Variants in TET3 observed in about 807,000 individuals in gnomAD.
TET3 encodes the protein methylcytosine dioxygenase TET3.
A neutral mutation model predicts 141.4 loss-of-function variants in TET3; 19 were observed. The ratio of observed to expected loss-of-function variants is 0.13; its 90% CI spans 0.09 to 0.20. The LOEUF (loss-of-function observed/expected upper bound fraction) is 0.20. Ranked by LOEUF, TET3 falls within the 10% of genes least tolerant of loss-of-function variation. TET3 has a pLI of 1.00. For synonymous variants in TET3, 1,043 were observed against 980.9 expected (o/e 1.06, Z -1.18); for missense variants, 1,874 against 2,356.9 (o/e 0.80, Z 4.24).
chr2:74,101,847 A>G lies in TET3; in HGVS notation c.5059A>G (p.Thr1687Ala), dbSNP rs763673713. Residue 1687 changes from threonine to alanine, a missense_variant, in exon 12 of 12, where the codon ACC becomes GCC. By Grantham distance (58) the Thr-to-Ala change is moderately conservative. Around this residue, in one of 10 missense-constraint regions of TET3, gnomAD observed 41 missense variants for 116.8 expected, o/e 0.35. Transcript: ENST00000409262. The surrounding 1 kb of genome is among the most constrained non-coding windows in gnomAD (Gnocchi z 8.5). The stretch of plus-strand genomic sequence containing the variant: ...TAAGAAGCCCAACCGCTGCCACCCC[A>G]CCCGCATCTCGCTGGTCTTCTACCA... ...PLKKPNRCHP[T>A]RISLVFYQHK... 1.5e-5 allele frequency: 24 copies of G among 1,612,622 alleles called. No individual in the cohort carries two copies. The highest frequency in any genetic ancestry group is 1.8e-5 in the Non-Finnish European group (21 of 1,179,734).
At chr2:74,132,538 T>A in the TET3 span, among the ~76,000 whole-genome samples, 2 of 152,234 alleles carry the variant, frequency 1.3e-5, no homozygotes, top group Admixed American at 6.5e-5. Flanking sequence ...CAGGTGCATG[T>A]CACCACAACT....
At chr2:74,134,444 A>T in the TET3 span, 7 of 304,552 alleles carry the variant, frequency 2.3e-5, no homozygotes, top group South Asian at 2.1e-4. Context: ...AATATTTGAA[A>T]TTTTTTTCTG....
intron 2 of TET3, among the ~76,000 whole-genome samples, chr2:74,002,494 G>T (rs976438047): frequency 2.6e-5 from 4 of 152,158 alleles, no homozygotes; most frequent in African/African-American, 7.2e-5. Flanking sequence ...GAGGCCGGGG[G>T]TGCCCTGGGA....
At chr2:74,113,006 CAAAAAAAAAAAAA>C (rs60299737), downstream of TET3, among the ~76,000 whole-genome samples, 89 of 34,392 alleles carry the variant, frequency 2.6e-3, no homozygotes, top group South Asian at 4.5e-3. Context: ...GACTCCGTCT[CAAAAAAAAAAAAA>C]AAAAAAAAAA....
At chr2:74,134,547 C>A in the TET3 span, 314 of 374,094 alleles carry the variant, frequency 8.4e-4, no homozygotes, top group African/African-American at 6.1e-3. Flanking sequence ...CCTAACTTCT[C>A]TGGTGGTCGG....
At chr2:74,036,501 A>G (rs1023149081) in intron 3 of TET3, among the ~76,000 whole-genome samples, 6 of 152,064 alleles carry the variant, frequency 3.9e-5, no homozygotes, top group African/African-American at 1.4e-4. Context: ...TAGCTTTTTT[A>G]TGTCTTCTGT....
chr2:74,061,150 C>T (rs1275604998), intron 4 of TET3, among the ~76,000 whole-genome samples: 1 of 149,118 alleles, frequency 6.7e-6, no homozygotes, highest in Non-Finnish European at 1.5e-5. Context: ...GGGGCTGACC[C>T]CCCCCACTTC....
intron 3 of TET3, among the ~76,000 whole-genome samples, chr2:74,028,284 C>CT (rs1313889419): frequency 6.7e-6 from 1 of 148,940 alleles, no homozygotes; most frequent in African/African-American, 2.5e-5. Flanking sequence ...CATGCCTAGC[C>CT]GTTTTTTTTT....
the TET3 span, among the ~76,000 whole-genome samples, chr2:74,116,084 T>C: frequency 6.8e-6 from 1 of 147,026 alleles, no homozygotes. Context: ...AAAGAAGACA[T>C]ACAAATGGCC....
At chr2:74,081,093 C>A (rs1689796387) in intron 6 of TET3, among the ~76,000 whole-genome samples, 1 of 152,192 alleles carries the variant, frequency 6.6e-6, no homozygotes. Flanking sequence ...GGGAAGAGGC[C>A]AGGGCTCTGG....
At chr2:74,045,005 A>C (rs1330111254) in intron 3 of TET3, among the ~76,000 whole-genome samples, 1 of 152,246 alleles carries the variant, frequency 6.6e-6, no homozygotes, top group Non-Finnish European at 1.5e-5. Flanking sequence ...TTAAGGGAAG[A>C]GATTGTTCTC....
chr2:73,987,998 C>T (rs572406270), intron 2 of TET3, among the ~76,000 whole-genome samples: 1 of 152,216 alleles, frequency 6.6e-6, no homozygotes, highest in Non-Finnish European at 1.5e-5. Flanking sequence ...CTCACCTTGT[C>T]TTGTCCGTGC....
chr2:74,086,054 C>G (rs924634360), intron 6 of TET3, among the ~76,000 whole-genome samples: 17 of 152,240 alleles, frequency 1.1e-4, no homozygotes, highest in Non-Finnish European at 2.1e-4. Flanking sequence ...CCCCCACTTT[C>G]TAAAGCATGA....
intron 5 of TET3, among the ~76,000 whole-genome samples, chr2:74,079,431 T>G (rs1306156412): frequency 6.6e-6 from 1 of 152,118 alleles, no homozygotes. Flanking sequence ...AGGGAATAGG[T>G]GGCAAATGAC....
In TET3 at chr2:74,101,441, G is replaced by A. The variant is rs1352005139; in HGVS notation, c.4653G>A (p.Gly1551=). 6.2e-7 allele frequency: 1 copy of A among 1,613,894 alleles called. No individual in the cohort carries two copies. Among genetic ancestry groups the A allele is most frequent in the Non-Finnish European group, 8.5e-7 (1 of 1,179,874 alleles). ...ACTCGGCCCTGAAAGGTAGTCCTGG[G>A]TTCCAAGACAAGCTGTGGAACCCCA... ...DFNSALKGSP[G]FQDKLWNPMK... The change falls in exon 12 of 12, where the codon GGG becomes GGA. Residue 1551 remains glycine (G), a synonymous_variant. Transcript: ENST00000409262. The surrounding 1 kb of genome is among the most constrained non-coding windows in gnomAD (Gnocchi z 8.5).
chr2:74,002,834 G>A, intron 2 of TET3: 1 of 570,366 alleles, frequency 1.8e-6, no homozygotes. Flanking sequence ...TGGCCGGGCG[G>A]ACGCGGGCCG....
chr2:74,012,997 G>GTTTTTT (rs369187164), intron 3 of TET3, among the ~76,000 whole-genome samples: 2 of 135,078 alleles, frequency 1.5e-5, no homozygotes, highest in African/African-American at 5.4e-5. Context: ...GTAATGGGGT[G>GTTTTTT]TTTTTTTTTT....
At chr2:74,113,796 T>C in the TET3 span, among the ~76,000 whole-genome samples, 1 of 139,992 alleles carries the variant, frequency 7.1e-6, no homozygotes, top group South Asian at 2.6e-4. Flanking sequence ...ATGAAAGATA[T>C]TGAAGAGGAT....
chr2:74,134,837 A>C, the TET3 span: 1 of 444,958 alleles, frequency 2.2e-6, no homozygotes, highest in Non-Finnish European at 4.6e-6. Flanking sequence ...TGCCACTACC[A>C]CCATCCAGAA....
Sources: gnomAD v4.1 joint callset for allele counts (sites outside exome capture counted in the v4.1 genomes callset) on GRCh38, gnomAD v4.1.1 for gene constraint, gnomAD v4.1.1 regional missense constraint, Gnocchi (gnomAD v3.1) non-coding constraint, MANE v1.5 for transcripts, NCBI Gene and HGNC (gene_info 2026-07-23, HGNC 2026-07-21) for gene names.